DYSF: variants seen among roughly 807,000 people sequenced by gnomAD.
DYSF encodes the protein dysferlin.
A neutral mutation model predicts 274.9 loss-of-function variants in DYSF; 212 were observed. That is an observed-to-expected ratio of 0.77 (90% CI 0.69 to 0.86). The LOEUF is 0.86. Ranked by LOEUF, DYSF falls within the 40% of genes least tolerant of loss-of-function variation. DYSF has a pLI of 0.00. For missense variants in DYSF, 2,666 were observed against 2,783.2 expected (o/e 0.96, Z 0.95); for synonymous variants, 1,091 against 1,078.7 (o/e 1.01, Z -0.22).
At chr2:71,553,515 T>C (rs974956268) in intron 20 of DYSF, among the ~76,000 whole-genome samples, 1 of 152,158 alleles carries the variant, frequency 6.6e-6, no homozygotes, top group Non-Finnish European at 1.5e-5. Flanking sequence ...ATCTCCTCAG[T>C]TTTGACATGC....
intron 51 of DYSF, among the ~76,000 whole-genome samples, chr2:71,671,854 C>T (rs569537252): frequency 6.6e-6 from 1 of 152,266 alleles, no homozygotes; most frequent in African/African-American, 2.4e-5. Context: ...AGAGTGGGGC[C>T]AACCCGTGGG....
intron 5 of DYSF, 46 bp from the exon 6 acceptor site, chr2:71,513,194 A>G (rs1298887411): frequency 1.3e-6 from 2 of 1,544,216 alleles, no homozygotes. Flanking sequence ...CCTTCACCCC[A>G]ACCTCCTCCC....
chr2:71,551,728 G>C lies in DYSF; in HGVS notation c.1806+8G>C. ...GACATCCTCCGGGTGGAGGTGAGGG[G>C]TGTGGCTCTGGGTGGGAGCTGGGCG... On this transcript the variant is annotated splice_region_variant and intron_variant, in intron 19 of 55. Coordinates refer to ENST00000410020, the MANE Select transcript of DYSF (RefSeq NM_001130987.2). The C allele has an allele frequency of 6.3e-7, 1 of 1,597,398 alleles. No homozygotes were observed. The highest frequency in any genetic ancestry group is 1.1e-5 in the South Asian group (1 of 88,000).
At chr2:71,644,370 G>T (rs571975062) in intron 42 of DYSF, among the ~76,000 whole-genome samples, 4 of 152,322 alleles carry the variant, frequency 2.6e-5, no homozygotes, top group Non-Finnish European at 5.9e-5. Flanking sequence ...CAAGATCAGG[G>T]TGGCCCCCTC....
chr2:71,513,868 C>A lies in DYSF; in HGVS notation c.706C>A (p.Arg236=), dbSNP rs373585652. 6.2e-7 allele frequency: 1 copy of A among 1,614,088 alleles called. No homozygotes were observed. The highest frequency in any genetic ancestry group is 8.5e-7 in the Non-Finnish European group (1 of 1,180,042). ...CCACTACCCCGGGATCAAAAGAAAG[C>A]GAAGTGCGCCTACATCTAGAAAGCT... ...PPHYPGIKRK[R]SAPTSRKLLS... The change falls in exon 7 of 56, where the codon CGA becomes AGA. Residue 236 remains arginine, a synonymous_variant. Transcript: ENST00000410020.
chr2:71,526,107 T>C (rs1012248780), intron 12 of DYSF, 113 bp from the exon 13 acceptor site: 18 of 1,591,174 alleles, frequency 1.1e-5, no homozygotes, highest in Admixed American at 3.3e-5. Flanking sequence ...GAGCGCAGTC[T>C]GCCTTACTGC....
chr2:71,577,601 CAT>C (rs1244368575), intron 30 of DYSF, among the ~76,000 whole-genome samples: 3 of 151,946 alleles, frequency 2.0e-5, no homozygotes, highest in East Asian at 1.9e-4. Context: ...CACACCAACA[CAT>C]AGACACACAC....
chr2:71,669,335 TG>T, intron 50 of DYSF, 128 bp downstream of exon 50: 1 of 937,406 alleles, frequency 1.1e-6, no homozygotes, highest in Non-Finnish European at 1.7e-6. Context: ...CGAGGGCTCC[TG>T]GGGGTGGTCC....
Position 71,454,828 on chromosome 2 carries a change from C to T in DYSF, c.88+742C>T, listed in dbSNP as rs557045006. 9.2e-5 allele frequency among the ~76,000 whole-genome samples: 14 copies of T among 152,258 alleles called. No homozygotes were observed. The South Asian group carries it at 2.9e-3, about 32-fold the overall frequency. On this transcript the variant is annotated intron_variant, in intron 1 of 54. Coordinates refer to the DYSF transcript ENST00000258104. Reference sequence around the variant, plus strand: ...TTCATAGAGTTATGACTTGACTTTTCCTCCAGGAGCTGAGGGCTGGGCCCT... The same window carrying T: ...TTCATAGAGTTATGACTTGACTTTTTCTCCAGGAGCTGAGGGCTGGGCCCT...
intron 10 of DYSF, among the ~76,000 whole-genome samples, chr2:71,519,817 T>G (rs1046564032): frequency 6.9e-6 from 1 of 145,818 alleles, no homozygotes; most frequent in Non-Finnish European, 1.5e-5. Flanking sequence ...GCTAGTTTTT[T>G]TTTTTTTTTT....
chr2:71,611,854 G>C (rs1301340575), intron 38 of DYSF, among the ~76,000 whole-genome samples: 1 of 152,200 alleles, frequency 6.6e-6, no homozygotes, highest in African/African-American at 2.4e-5. Context: ...CCAAATCCTA[G>C]ATCAGCGAAA....
intron 40 of DYSF, among the ~76,000 whole-genome samples, chr2:71,618,496 T>TGTGTGTTTGGTGGAG (rs2093991503): frequency 2.3e-5 from 1 of 44,036 alleles, no homozygotes; most frequent in Non-Finnish European, 5.1e-5. Context: ...GTAGAGGTGA[T>TGTGTGTTTGGTGGAG]GTGTGTGTTT....
chr2:71,660,484 G>C, intron 44 of DYSF, 76 bp from the exon 45 acceptor site: 1 of 1,295,972 alleles, frequency 7.7e-7, no homozygotes, highest in South Asian at 1.2e-5. Context: ...ATCCCATCCA[G>C]AGGCAAGGCA....
At chr2:71,471,517 G>T (rs1481808063) in intron 1 of DYSF, among the ~76,000 whole-genome samples, 1 of 152,200 alleles carries the variant, frequency 6.6e-6, no homozygotes. Context: ...TAGTAATCAT[G>T]CCACGGTTGA....
At chr2:71,657,665 C>A (rs1386185137) in intron 43 of DYSF, among the ~76,000 whole-genome samples, 1 of 152,224 alleles carries the variant, frequency 6.6e-6, no homozygotes, top group Admixed American at 6.5e-5. Context: ...AGGCTCAATA[C>A]CACGTGGAAG....
chr2:71,589,520 C>G (rs2152842288), intron 30 of DYSF, 73 bp from the exon 31 acceptor site: 7 of 1,214,794 alleles, frequency 5.8e-6, no homozygotes, highest in Middle Eastern at 4.3e-4. Flanking sequence ...GGGGATCTAA[C>G]TCTCTGGGCT....
Position 71,575,390 on chromosome 2 carries a change from C to T in DYSF, c.3402+1019C>T, listed in dbSNP as rs999547716. Reference sequence around the variant, plus strand: ...CGTCAGAGGAGCCTGCCATAGGCTTCGGAGAGAGCCCCTCCCTTGCCCTGG... The same window carrying T: ...CGTCAGAGGAGCCTGCCATAGGCTTTGGAGAGAGCCCCTCCCTTGCCCTGG... On this transcript the variant is annotated intron_variant, in intron 30 of 55. Transcript: ENST00000410020. Among the ~76,000 whole-genome samples, 19 of 152,202 alleles carry T rather than the reference C, an allele frequency of 1.2e-4. No individual in the cohort carries two copies. The East Asian group carries it at 3.5e-3, about 28-fold the overall frequency.
intron 14 of DYSF, among the ~76,000 whole-genome samples, chr2:71,532,217 T>G (rs138333090): frequency 2.8e-4 from 43 of 152,338 alleles, no homozygotes; most frequent in African/African-American, 9.1e-4. Flanking sequence ...ATTTTCCTCT[T>G]TTATAAACAA....
chr2:71,575,983 G>C (rs1365174793), intron 30 of DYSF, among the ~76,000 whole-genome samples: 1 of 152,240 alleles, frequency 6.6e-6, no homozygotes, highest in Non-Finnish European at 1.5e-5. Flanking sequence ...AGTCCTGCTA[G>C]ATAAAGTAGC....
Sources: allele counts gnomAD v4.1 joint callset (sites outside exome capture counted in the v4.1 genomes callset), GRCh38; gene constraint gnomAD v4.1.1; transcripts MANE v1.5; gene names NCBI Gene and HGNC (gene_info 2026-07-23, HGNC 2026-07-21).